USP28: variants seen among roughly 807,000 people sequenced by gnomAD.
The protein encoded by USP28 is ubiquitin carboxyl-terminal hydrolase 28.
A neutral mutation model predicts 145.0 loss-of-function variants in USP28; 113 were observed. The observed-to-expected ratio is 0.78, with a 90% CI of 0.67 to 0.91. USP28 has a LOEUF of 0.91. Ranked by LOEUF, USP28 falls within the 40% of genes least tolerant of loss-of-function variation. The pLI, the probability that USP28 is intolerant of heterozygous loss-of-function variation, is 0.00. For synonymous variants in USP28, 447 were observed against 450.9 expected, an observed-to-expected ratio of 0.99 and a Z score of 0.11; for missense variants, 1,201 against 1,289.6, an observed-to-expected ratio of 0.93 and a Z score of 1.05.
chr11:113,810,929 C>T (rs922490551), intron 16 of USP28, among the ~76,000 whole-genome samples: 3 of 152,204 alleles, frequency 2.0e-5, no homozygotes, highest in Non-Finnish European at 4.4e-5. Flanking sequence ...CCCGCCTTGG[C>T]CTCCCAAAGT....
In USP28 at chr11:113,805,048, T is replaced by TC. The variant is rs781312572; in HGVS notation, c.2401-3_2401-2insG. The TC allele has an allele frequency of 8.7e-6, 14 of 1,613,612 alleles. No individual in the cohort carries two copies. In the African/African-American group the frequency reaches 1.7e-4, roughly 20 times the overall value. On this transcript the variant is annotated splice_polypyrimidine_tract_variant and splice_region_variant and intron_variant, in intron 19 of 24. Transcript: ENST00000003302. ...CCTGGAGTATTCTTCATGGAATGCCTATTAAGGGCAGAATCAATGGTTAGA... is the reference window on the plus strand; with the variant it reads ...CCTGGAGTATTCTTCATGGAATGCCTCATTAAGGGCAGAATCAATGGTTAGA...
chr11:113,835,952 C>A (rs1049263614), intron 5 of USP28, among the ~76,000 whole-genome samples: 2 of 152,152 alleles, frequency 1.3e-5, no homozygotes, highest in African/African-American at 4.8e-5. Flanking sequence ...TGGTGGCATG[C>A]CTATAGTCCC....
chr11:113,874,083 G>A (rs1435448431), intron 1 of USP28, among the ~76,000 whole-genome samples: 2 of 149,078 alleles, frequency 1.3e-5, no homozygotes, highest in South Asian at 4.2e-4. Flanking sequence ...GGAAGTTGCA[G>A]TGAGCCGAGA....
At chr11:113,863,753 G>A (rs1300762664) in intron 1 of USP28, among the ~76,000 whole-genome samples, 1 of 150,912 alleles carries the variant, frequency 6.6e-6, no homozygotes, top group Non-Finnish European at 1.5e-5. Context: ...AGACCATCCT[G>A]ACTAACACGG....
intron 1 of USP28, among the ~76,000 whole-genome samples, chr11:113,867,955 A>G (rs1432397231): frequency 1.3e-5 from 2 of 152,204 alleles, no homozygotes; most frequent in Admixed American, 6.5e-5. Flanking sequence ...ACCAGCCATC[A>G]TGTAGCATGC....
chr11:113,807,906 A>T, intron 18 of USP28, 45 bp downstream of exon 19: 5 of 994,510 alleles, frequency 5.0e-6, no homozygotes, highest in Non-Finnish European at 6.0e-6. Context: ...AGAAGGAAAT[A>T]TAAGACTGAC....
rs535698598 is a variant in USP28, at chr11:113,852,016, TG to T, written c.268+484del. On this transcript the variant is annotated intron_variant, in intron 3 of 24. Transcript: ENST00000003302. ...AAATAAATGCTAAACAATGAGTAAA[TG>T]AACAAATGAAACTTTTTTTTTCTTT... Among the ~76,000 whole-genome samples, 384 of 152,220 alleles carry T rather than the reference TG, an allele frequency of 2.5e-3. 4 individuals carry two copies. The highest frequency in any genetic ancestry group is 8.8e-3 in the African/African-American group (364 of 41,542).
At chr11:113,839,123 T>A (rs1944908593) in intron 5 of USP28, among the ~76,000 whole-genome samples, 1 of 152,230 alleles carries the variant, frequency 6.6e-6, no homozygotes, top group Non-Finnish European at 1.5e-5. Flanking sequence ...AAGTACAGAT[T>A]CATATAATTA....
chr11:113,811,582 C>T (rs1305401492), intron 16 of USP28, among the ~76,000 whole-genome samples: 1 of 151,858 alleles, frequency 6.6e-6, no homozygotes, highest in Non-Finnish European at 1.5e-5. Flanking sequence ...CAGCTGCTTG[C>T]GAGAGTGAGG....
chr11:113,815,373 T>C, exon 14 of USP28: 1 of 1,613,880 alleles, frequency 6.2e-7, no homozygotes, highest in Non-Finnish European at 8.5e-7. Flanking sequence ...AAGAGCTTTC[T>C]GTACTTGTAC....
chr11:113,801,560 T>C (rs769910849), exon 24 of USP28: 1 of 1,610,232 alleles, frequency 6.2e-7, no homozygotes, highest in Non-Finnish European at 8.5e-7. Flanking sequence ...CTTGGAAATG[T>C]CATTATTAAT....
At chr11:113,828,439 C>G (rs1023233076) in intron 10 of USP28, among the ~76,000 whole-genome samples, 2 of 152,176 alleles carry the variant, frequency 1.3e-5, no homozygotes, top group African/African-American at 4.8e-5. Flanking sequence ...CAGCAGCTCT[C>G]TGAGTTCCAA....
chr11:113,827,205 GA>G (rs370867434), intron 11 of USP28, 27 bp downstream of exon 11: 32,258 of 986,142 alleles, frequency 0.033, 3 homozygotes, highest in South Asian at 0.06. Flanking sequence ...AATACCTCAG[GA>G]AAAAAAAAAA....
At position 113,853,878 on chromosome 11, in the gene USP28, C is replaced by CAAAAAAAAA. The variant is rs57739058; in HGVS notation, c.135+371_135+379dup. 5.6e-4 allele frequency among the ~76,000 whole-genome samples: 69 copies of CAAAAAAAAA among 123,212 alleles called. 3 individuals are homozygous for CAAAAAAAAA. Among genetic ancestry groups the CAAAAAAAAA allele is most frequent in the African/African-American group, 2.1e-3 (66 of 31,734 alleles). 80.8% of individuals were successfully genotyped at this position (123,212 alleles called of 152,430 possible). ...TGGGCATCAGAGTGAGACTCCATCT[C>CAAAAAAAAA]AAAAAAAAAAAAAAGTATATATATA... is the stretch of plus-strand genomic sequence containing the variant. On this transcript the variant is annotated intron_variant, in intron 2 of 24. Coordinates refer to ENST00000003302, the Ensembl canonical transcript of USP28.
At chr11:113,841,341 G>T (rs1945171810) in intron 4 of USP28, among the ~76,000 whole-genome samples, 3 of 152,180 alleles carry the variant, frequency 2.0e-5, no homozygotes, top group African/African-American at 7.2e-5. Context: ...AAACTATGCA[G>T]CAGCATAACC....
chr11:113,843,670 T>TCA (rs1342390220), intron 3 of USP28, among the ~76,000 whole-genome samples: 1 of 81,300 alleles, frequency 1.2e-5, no homozygotes, highest in Non-Finnish European at 2.3e-5. Context: ...AAACTCTATC[T>TCA]CAAAAAAAAA....
exon 7 of USP28, chr11:113,833,420 C>T: frequency 6.2e-7 from 1 of 1,612,104 alleles, no homozygotes; most frequent in Non-Finnish European, 8.5e-7. Context: ...TCTTTTGTAC[C>T]TGCTGTTCCT....
chr11:113,798,798 T>A (rs1489933031), exon 25 of USP28: 1 of 152,658 alleles, frequency 6.6e-6, no homozygotes, highest in Non-Finnish European at 1.5e-5. Context: ...ATATTTCTAA[T>A]CTCTTGTAGT....
intron 13 of USP28, among the ~76,000 whole-genome samples, chr11:113,817,097 T>C (rs531405540): frequency 2.0e-5 from 3 of 152,336 alleles, no homozygotes; most frequent in South Asian, 4.1e-4. Context: ...CTACCTTTCA[T>C]GGCTCCTCTA....
Sources: gnomAD v4.1 joint callset for allele counts (sites outside exome capture counted in the v4.1 genomes callset) on GRCh38, gnomAD v4.1.1 for gene constraint, MANE v1.5 for transcripts, NCBI Gene and HGNC (gene_info 2026-07-23, HGNC 2026-07-21) for gene names.